The following TTC28 variants were observed in gnomAD, a reference collection of about 807,000 sequenced individuals.
TTC28 encodes the protein tetratricopeptide repeat protein 28.
TTC28 carries 61 observed loss-of-function variants against 198.0 expected under a neutral mutation model. That is an observed-to-expected ratio of 0.31 (90% CI 0.25 to 0.38). The LOEUF (loss-of-function observed/expected upper bound fraction) is 0.38, where lower values mean the gene tolerates loss of function less well. Ranked by LOEUF, TTC28 falls within the 10% of genes least tolerant of loss-of-function variation. The pLI is 1.00. For missense variants in TTC28, 2,678 were observed against 3,164.0 expected, an observed-to-expected ratio of 0.85 and a Z score of 3.69; for synonymous variants, 1,171 against 1,297.8, an observed-to-expected ratio of 0.90 and a Z score of 2.10.
chr22:28,404,990 T>G (rs748500822), intron 2 of TTC28, among the ~76,000 whole-genome samples: 9 of 142,990 alleles, frequency 6.3e-5, no homozygotes, highest in African/African-American at 1.0e-4. Flanking sequence ...ATAGTGTGTG[T>G]TGTTGAGACA....
At chr22:28,616,794 C>T (rs568516843) in intron 2 of TTC28, among the ~76,000 whole-genome samples, 2 of 151,710 alleles carry the variant, frequency 1.3e-5, no homozygotes, top group Admixed American at 1.3e-4. Flanking sequence ...CTGCAGTGGG[C>T]TGTGATCATG....
intron 2 of TTC28, among the ~76,000 whole-genome samples, chr22:28,603,974 G>A (rs1010789596): frequency 6.6e-6 from 1 of 151,828 alleles, no homozygotes; most frequent in Non-Finnish European, 1.5e-5. Context: ...CTTTAAAAAC[G>A]TTTTTGAAAA....
At chr22:28,007,296 C>G (rs1302336965) in intron 14 of TTC28, 1 of 152,110 alleles carries the variant, frequency 6.6e-6, no homozygotes, top group Non-Finnish European at 1.5e-5. Flanking sequence ...TGGATACATA[C>G]AGTTTTGGCA....
chr22:28,213,974 C>T lies in TTC28; in HGVS notation c.934-50375G>A, dbSNP rs1446368776. ...AGAACAGAGCCCTCAGAAATAATGCCGCATATCTACAACCATCTGATCTTT... is the reference window on the plus strand; with the variant it reads ...AGAACAGAGCCCTCAGAAATAATGCTGCATATCTACAACCATCTGATCTTT... On this transcript the variant is annotated intron_variant, in intron 5 of 22. Coordinates refer to ENST00000397906, the MANE Select transcript of TTC28 (RefSeq NM_001145418.2). 5.9e-5 allele frequency among the ~76,000 whole-genome samples: 9 copies of T among 152,108 alleles called. No individual in the cohort carries two copies. The South Asian group carries it at 1.7e-3, about 28-fold the overall frequency.
Position 28,107,259 on chromosome 22 carries a change from G to A in TTC28, c.2586C>T (p.Ala862=). Residue 862 remains alanine (A), a synonymous_variant, in exon 7 of 23, where the codon GCC becomes GCT. Transcript: ENST00000397906. Reference sequence around the variant, plus strand: ...CATTTCCACTTAGCTGCTGCAGCATGGCCAATTGCTGCTCAAAGTAGCCAA... The same window carrying A: ...CATTTCCACTTAGCTGCTGCAGCATAGCCAATTGCTGCTCAAAGTAGCCAA... The part of the protein sequence containing the change: ...EAIGYFEQQL[A]MLQQLSGNES... The A allele has an allele frequency of 6.4e-7, 1 of 1,551,708 alleles. No homozygotes were observed. The highest frequency in any genetic ancestry group is 8.7e-7 in the Non-Finnish European group (1 of 1,146,990).
intron 5 of TTC28, among the ~76,000 whole-genome samples, chr22:28,246,748 AG>A (rs950550742): frequency 3.9e-5 from 6 of 152,282 alleles, no homozygotes; most frequent in Admixed American, 3.9e-4. Context: ...CTTTCACCCC[AG>A]GTCTCTGACT....
rs930996145 is a variant in TTC28 at position 28,107,218 on chromosome 22, C to T, written c.2627G>A (p.Arg876Lys). 3.9e-6 allele frequency: 6 copies of T among 1,551,730 alleles called. No homozygotes were observed. The highest frequency in any genetic ancestry group is 5.2e-6 in the Non-Finnish European group (6 of 1,146,996). The stretch of plus-strand genomic sequence containing the variant: ...CCCCAGGTTGCCATAGGCCCGGCCC[C>T]TGTCGAGCACAGACTCATTTCCACT... ...QLSGNESVLD[R>K]GRAYGNLGDC... Residue 876 changes from arginine (R) to lysine (K), a missense_variant, in exon 7 of 23, where the codon AGG becomes AAG. Transcript: ENST00000397906.
intron 2 of TTC28, among the ~76,000 whole-genome samples, chr22:28,333,008 A>T (rs2045640972): frequency 6.6e-6 from 1 of 152,172 alleles, no homozygotes; most frequent in African/African-American, 2.4e-5. Context: ...AAATGTAAAA[A>T]ACATGCATTT....
intron 5 of TTC28, among the ~76,000 whole-genome samples, chr22:28,280,152 A>G (rs2044556336): frequency 6.6e-6 from 1 of 152,124 alleles, no homozygotes; most frequent in Non-Finnish European, 1.5e-5. Flanking sequence ...TTAGATTTTA[A>G]AGAAATGCAA....
intron 13 of TTC28, among the ~76,000 whole-genome samples, chr22:28,022,620 G>A (rs999752716): frequency 1.3e-5 from 2 of 152,184 alleles, no homozygotes; most frequent in African/African-American, 4.8e-5. Context: ...TGCTGGGATC[G>A]AGCTACCTGG....
chr22:28,327,400 G>C lies in TTC28; in HGVS notation c.382-20757C>G, dbSNP rs575660269. Among the ~76,000 whole-genome samples, 27 of 152,248 alleles carry C rather than the reference G, an allele frequency of 1.8e-4. No individual in the cohort carries two copies. In the South Asian group the frequency reaches 3.7e-3, roughly 21 times the overall value. ...AGGAGGCTGTGATGTGCCTTACAGA[G>C]AAAATACTAGTTTGGTAAGCTTTAT... On this transcript the variant is annotated intron_variant, in intron 2 of 22. Coordinates refer to ENST00000397906, the MANE Select transcript of TTC28 (RefSeq NM_001145418.2).
Position 27,982,583 on chromosome 22 carries a change from T to C in TTC28, c.7084A>G (p.Met2362Val), listed in dbSNP as rs1601474479. Residue 2362 changes from methionine (M) to valine (V), a missense_variant, in exon 23 of 23, where the codon ATG becomes GTG. By Grantham distance (21) the Met-to-Val change is conservative. Coordinates refer to ENST00000397906, the MANE Select transcript of TTC28 (RefSeq NM_001145418.2). The surrounding 1 kb of genome is among the most constrained non-coding windows in gnomAD (Gnocchi z 5.2). ...TGCTGGGGTGTGCTCTGCCAGAACATCTTCAGGTTATGGACAGCCTGCACC... is the reference window on the plus strand; with the variant it reads ...TGCTGGGGTGTGCTCTGCCAGAACACCTTCAGGTTATGGACAGCCTGCACC... ...EKVQAVHNLK[M>V]FWQSTPQHST... 6.4e-7 allele frequency: 1 copy of C among 1,551,510 alleles called. No individual in the cohort carries two copies. The highest frequency in any genetic ancestry group is 1.4e-5 in the African/African-American group (1 of 72,988).
chr22:28,651,177 T>C (rs916739059), intron 1 of TTC28, among the ~76,000 whole-genome samples: 1 of 152,214 alleles, frequency 6.6e-6, no homozygotes, highest in African/African-American at 2.4e-5. Flanking sequence ...CTTTTGTTTT[T>C]AATTAGAAAC....
chr22:28,628,431 G>A (rs1259414071), intron 2 of TTC28, among the ~76,000 whole-genome samples: 1 of 152,076 alleles, frequency 6.6e-6, no homozygotes, highest in Non-Finnish European at 1.5e-5. Context: ...ATCTCACATA[G>A]TAACCCTTTT....
At chr22:28,222,706 A>T (rs1440459860) in intron 5 of TTC28, among the ~76,000 whole-genome samples, 1 of 152,206 alleles carries the variant, frequency 6.6e-6, no homozygotes, top group African/African-American at 2.4e-5. Context: ...CAACAGTATC[A>T]GTCAATTCTC....
At chr22:28,578,259 T>C (rs1008867323) in intron 2 of TTC28, among the ~76,000 whole-genome samples, 5 of 152,068 alleles carry the variant, frequency 3.3e-5, no homozygotes, top group Admixed American at 6.5e-5. Flanking sequence ...TTGAAAACTC[T>C]ACACTTCAGT....
chr22:28,050,687 A>G (rs977726326), intron 12 of TTC28, among the ~76,000 whole-genome samples: 1 of 152,182 alleles, frequency 6.6e-6, no homozygotes, highest in African/African-American at 2.4e-5. Flanking sequence ...TACAAGTTAT[A>G]TTAAAAAGCC....
At chr22:28,028,553 C>A (rs1261284740) in intron 13 of TTC28, among the ~76,000 whole-genome samples, 1 of 152,148 alleles carries the variant, frequency 6.6e-6, no homozygotes, top group Admixed American at 6.5e-5. Context: ...TGCCTGCAAC[C>A]AGGTCACCAT....
chr22:28,180,693 T>A (rs750526687), intron 5 of TTC28, among the ~76,000 whole-genome samples: 1 of 152,138 alleles, frequency 6.6e-6, no homozygotes, highest in Non-Finnish European at 1.5e-5. Context: ...ATCAATGAAA[T>A]ACACACAAAA....
Sources: allele counts gnomAD v4.1 joint callset (sites outside exome capture counted in the v4.1 genomes callset), GRCh38; gene constraint gnomAD v4.1.1; non-coding constraint Gnocchi (gnomAD v3.1); transcripts MANE v1.5; gene names NCBI Gene and HGNC (gene_info 2026-07-23, HGNC 2026-07-21).